UBR3: variants seen among roughly 807,000 people sequenced by gnomAD.
UBR3 encodes E3 ubiquitin-protein ligase UBR3.
In UBR3, 85 loss-of-function variants were observed where a neutral mutation model predicts 243.2. The ratio of observed to expected loss-of-function variants is 0.35; its 90% CI spans 0.29 to 0.42. The LOEUF (loss-of-function observed/expected upper bound fraction) is 0.42, where lower values mean the gene tolerates loss of function less well. Ranked by LOEUF, UBR3 falls within the 10% of genes least tolerant of loss-of-function variation. The pLI is 1.00. For synonymous variants in UBR3, 748 were observed against 799.8 expected (o/e 0.94, Z 1.09); for missense variants, 1,686 against 2,300.8 (o/e 0.73, Z 5.47).
intron 10 of UBR3, among the ~76,000 whole-genome samples, chr2:169,909,576 T>C (rs917104397): frequency 1.3e-5 from 2 of 152,164 alleles, no homozygotes; most frequent in African/African-American, 4.8e-5. Context: ...CTTTGAAATC[T>C]ATTGCACAAC....
chr2:169,952,962 CTT>C (rs1301614311), intron 23 of UBR3, among the ~76,000 whole-genome samples: 1 of 152,028 alleles, frequency 6.6e-6, no homozygotes, highest in East Asian at 1.9e-4. Context: ...AGTGGTCTCT[CTT>C]AGTGGTCAGA....
intron 25 of UBR3, among the ~76,000 whole-genome samples, chr2:169,993,178 TTTC>T (rs1417652279): frequency 5.9e-5 from 9 of 152,338 alleles, no homozygotes; most frequent in African/African-American, 2.2e-4. Flanking sequence ...ATATTTTTTG[TTTC>T]TTATTTACTT....
At chr2:170,077,214 G>T (rs2091828482) in intron 36 of UBR3, 2 of 700,776 alleles carry the variant, frequency 2.9e-6, no homozygotes, top group South Asian at 2.7e-5. Context: ...AAATATCTAT[G>T]AAAGTGCTGT....
At chr2:170,019,924 C>T (rs1408124216) in intron 30 of UBR3, among the ~76,000 whole-genome samples, 1 of 152,044 alleles carries the variant, frequency 6.6e-6, no homozygotes, top group East Asian at 1.9e-4. Flanking sequence ...AGCAGACACA[C>T]ACCATCAGGC....
chr2:169,883,547 T>G (rs1339969190), intron 5 of UBR3, among the ~76,000 whole-genome samples: 1 of 152,206 alleles, frequency 6.6e-6, no homozygotes, highest in African/African-American at 2.4e-5. Flanking sequence ...TAAACATGTT[T>G]TAAAACTTCC....
chr2:170,013,486 A>T (rs925647948), intron 29 of UBR3, among the ~76,000 whole-genome samples: 15 of 152,282 alleles, frequency 9.9e-5, no homozygotes, highest in African/African-American at 3.4e-4. Flanking sequence ...ATTACACATT[A>T]ATCCTTTGGA....
At chr2:169,946,452 A>G (rs1222599472) in intron 21 of UBR3, 60 bp downstream of exon 21, 2 of 873,812 alleles carry the variant, frequency 2.3e-6, no homozygotes, top group African/African-American at 3.5e-5. Context: ...GCTCCAACCA[A>G]TTGTTGCCAA....
chr2:169,845,100 T>G (rs1217375757), intron 1 of UBR3, among the ~76,000 whole-genome samples: 1 of 152,170 alleles, frequency 6.6e-6, no homozygotes, highest in Admixed American at 6.5e-5. Context: ...TGTGATCTCC[T>G]CTTTAGCCAA....
At chr2:169,909,202 A>G (rs1461426424) in intron 10 of UBR3, among the ~76,000 whole-genome samples, 2 of 152,172 alleles carry the variant, frequency 1.3e-5, no homozygotes, top group Non-Finnish European at 2.9e-5. Flanking sequence ...CAGAGATCAG[A>G]TTATTATTGC....
At chr2:169,916,719 G>A (rs2085478161) in intron 11 of UBR3, among the ~76,000 whole-genome samples, 1 of 151,926 alleles carries the variant, frequency 6.6e-6, no homozygotes, top group Non-Finnish European at 1.5e-5. Flanking sequence ...CCTCAGTCAG[G>A]CTTTGATTCC....
At chr2:169,946,925 G>A (rs1018290167) in intron 21 of UBR3, among the ~76,000 whole-genome samples, 1 of 152,052 alleles carries the variant, frequency 6.6e-6, no homozygotes, top group African/African-American at 2.4e-5. Context: ...CTTAAAAGTT[G>A]TTACTTTGTT....
chr2:170,014,834 G>A (rs116794266), intron 29 of UBR3: 3,143 of 153,180 alleles, frequency 0.021, 47 homozygotes, highest in Non-Finnish European at 0.03. Flanking sequence ...AACCTCCAAT[G>A]AATGATAACC....
At chr2:169,964,962 G>A (rs1156870970) in intron 24 of UBR3, 17 of 456,730 alleles carry the variant, frequency 3.7e-5, no homozygotes, top group Non-Finnish European at 7.1e-5. Flanking sequence ...CTGCAGTGGT[G>A]ACAGGTGAGG....
intron 1 of UBR3, among the ~76,000 whole-genome samples, chr2:169,835,997 CTCT>C (rs1376052145): frequency 0.1 from 4,075 of 40,238 alleles, 550 homozygotes; most frequent in East Asian, 0.13. Flanking sequence ...TGCACTGTCT[CTCT>C]CTCTCTCTCT....
At chr2:169,912,120 A>C (rs750906797) in intron 10 of UBR3, among the ~76,000 whole-genome samples, 1 of 152,184 alleles carries the variant, frequency 6.6e-6, no homozygotes, top group Admixed American at 6.5e-5. Context: ...TATTTATATA[A>C]TTTACATAGG....
At chr2:169,946,634 A>G (rs1012636026) in intron 21 of UBR3, among the ~76,000 whole-genome samples, 5 of 152,110 alleles carry the variant, frequency 3.3e-5, no homozygotes, top group Non-Finnish European at 7.4e-5. Context: ...GCCTTCATTG[A>G]TACATTAAAT....
intron 1 of UBR3, among the ~76,000 whole-genome samples, chr2:169,855,801 C>T (rs1036534657): frequency 4.6e-5 from 7 of 152,224 alleles, no homozygotes; most frequent in African/African-American, 1.7e-4. Flanking sequence ...CCCACACTTC[C>T]CCACTTTCTA....
intron 29 of UBR3, among the ~76,000 whole-genome samples, chr2:170,011,574 T>C (rs1252977596): frequency 6.6e-6 from 1 of 151,978 alleles, no homozygotes. Flanking sequence ...TCAGAGGGTT[T>C]GAATTTTGGA....
rs1468145061 is a variant in UBR3 at position 169,890,548 on chromosome 2, T to TATACAC, written c.1039-614_1039-613insCACATA. Among the ~76,000 whole-genome samples the TATACAC allele has an allele frequency of 2.1e-3, 153 of 72,960 alleles. 5 individuals carry two copies. The highest frequency in any genetic ancestry group is 7.9e-3 in the African/African-American group (140 of 17,694). The allele number at this position is 72,960 out of a possible 152,430, so 47.9% of individuals were successfully genotyped here. ...TAGGAGAGAGAGAGAGAGATATATA[T>TATACAC]ATATATATATATATATGTGTATATA... On this transcript the variant is annotated intron_variant, in intron 5 of 38. Transcript: ENST00000272793.
Sources: allele counts gnomAD v4.1 joint callset (sites outside exome capture counted in the v4.1 genomes callset), GRCh38; gene constraint gnomAD v4.1.1; transcripts MANE v1.5; gene names NCBI Gene and HGNC (gene_info 2026-07-23, HGNC 2026-07-21).